The following TENM4 variants were observed in gnomAD, a reference collection of about 807,000 sequenced individuals.
TENM4 encodes teneurin-4.
Under a neutral mutation model 243.3 loss-of-function variants are expected in TENM4, and 82 were observed. The observed-to-expected ratio is 0.34, with a 90% CI of 0.28 to 0.40. TENM4 has a LOEUF of 0.40. Among genes scored for constraint, TENM4 ranks in the 10% least tolerant of loss-of-function variants. The probability of loss-of-function intolerance (pLI) is 1.00; values close to 1 mark genes in which losing one functional copy is unlikely to be tolerated. For missense variants in TENM4, 3,138 were observed against 3,673.3 expected, an observed-to-expected ratio of 0.85 and a Z score of 3.77; for synonymous variants, 1,412 against 1,456.3, an observed-to-expected ratio of 0.97 and a Z score of 0.69.
intron 4 of TENM4, among the ~76,000 whole-genome samples, chr11:79,082,576 TATGTGTGCACCC>T (rs1342322014): frequency 6.6e-6 from 1 of 152,062 alleles, no homozygotes; most frequent in African/African-American, 2.4e-5. Flanking sequence ...AAAATGCACA[TATGTGTGCACCC>T]ATGTGTGCAC....
At chr11:79,079,489 G>A (rs1455894047) in intron 4 of TENM4, among the ~76,000 whole-genome samples, 3 of 152,204 alleles carry the variant, frequency 2.0e-5, no homozygotes, top group Non-Finnish European at 2.9e-5. Flanking sequence ...CCAAAGTCAC[G>A]TAGGAGCCAA....
At chr11:78,772,456 A>C (rs1432236088) in intron 17 of TENM4, among the ~76,000 whole-genome samples, 1 of 152,198 alleles carries the variant, frequency 6.6e-6, no homozygotes, top group African/African-American at 2.4e-5. Flanking sequence ...TGGATGTGAA[A>C]GCACTGTGTC....
At chr11:78,888,709 G>A (rs1209946600) in intron 9 of TENM4, among the ~76,000 whole-genome samples, 2 of 152,164 alleles carry the variant, frequency 1.3e-5, no homozygotes, top group African/African-American at 4.8e-5. Flanking sequence ...TTTTCACAGT[G>A]GGCAGCACTG....
chr11:79,433,613 G>T (rs940107240), intron 1 of TENM4, among the ~76,000 whole-genome samples: 1 of 152,064 alleles, frequency 6.6e-6, no homozygotes, highest in Non-Finnish European at 1.5e-5. Context: ...TTAACCAATT[G>T]CCTCTGATAC....
At chr11:79,187,359 C>T (rs1226006906) in intron 3 of TENM4, among the ~76,000 whole-genome samples, 1 of 152,210 alleles carries the variant, frequency 6.6e-6, no homozygotes, top group Non-Finnish European at 1.5e-5. Context: ...TACTTGCTAA[C>T]ATGGTGTCCA....
intron 27 of TENM4, among the ~76,000 whole-genome samples, chr11:78,705,015 T>C (rs1011670893): frequency 2.0e-4 from 31 of 152,362 alleles, no homozygotes; most frequent in Non-Finnish European, 1.8e-4. Flanking sequence ...CCAGGGCCGC[T>C]GCCGGCCAGT....
chr11:79,139,700 A>T (rs11828647), intron 4 of TENM4, among the ~76,000 whole-genome samples: 61,926 of 68,132 alleles, frequency 0.91, 28,736 homozygotes, highest in Middle Eastern at 0.98. Flanking sequence ...AAATATATAT[A>T]ATATTTATAT....
intron 3 of TENM4, among the ~76,000 whole-genome samples, chr11:79,215,457 C>T (rs761890234): frequency 2.0e-5 from 3 of 152,076 alleles, no homozygotes; most frequent in African/African-American, 7.2e-5. Context: ...CAAGAATGAC[C>T]TTGATTGGCA....
At chr11:79,260,079 A>T (rs1047834052) in intron 2 of TENM4, among the ~76,000 whole-genome samples, 1 of 152,240 alleles carries the variant, frequency 6.6e-6, no homozygotes, top group African/African-American at 2.4e-5. Context: ...TGTAGAATGA[A>T]CAAACATTGT....
intron 3 of TENM4, among the ~76,000 whole-genome samples, chr11:79,192,090 G>GT (rs1341477438): frequency 1.4e-5 from 2 of 145,308 alleles, no homozygotes; most frequent in East Asian, 2.0e-4. Context: ...CGGGAGGGAG[G>GT]TGGGGGGGGG....
intron 2 of TENM4, among the ~76,000 whole-genome samples, chr11:79,278,904 C>T (rs1209273430): frequency 6.6e-6 from 1 of 152,202 alleles, no homozygotes; most frequent in East Asian, 1.9e-4. Flanking sequence ...CAGAAACCAA[C>T]AGAGCCTAAA....
intron 6 of TENM4, among the ~76,000 whole-genome samples, chr11:78,970,808 C>A (rs1306008020): frequency 5.9e-5 from 9 of 152,082 alleles, no homozygotes; most frequent in African/African-American, 2.2e-4. Context: ...AGTCAGATTC[C>A]TCCAACATAG....
rs1288655678 is a variant in TENM4 at position 78,683,354 on chromosome 11, A to C, written c.5260+4700T>G. ...TTGTTTACCTAAGCGAGCCTGGGCTATGGCGGGCGCCCCTCCCCCAGCCTC... is the reference window on the plus strand; with the variant it reads ...TTGTTTACCTAAGCGAGCCTGGGCTCTGGCGGGCGCCCCTCCCCCAGCCTC... On this transcript the variant is annotated intron_variant, in intron 29 of 33. Coordinates refer to ENST00000278550, the MANE Select transcript of TENM4 (RefSeq NM_001098816.3). Among the ~76,000 whole-genome samples, 3 of 74,750 alleles carry C rather than the reference A, an allele frequency of 4.0e-5. No individual in the cohort carries two copies. The East Asian group carries it at 6.2e-4, about 15-fold the overall frequency. The allele number at this position is 74,750 out of a possible 152,430, so 49.0% of individuals were successfully genotyped here.
At chr11:79,394,410 T>G (rs1208973924) in intron 1 of TENM4, among the ~76,000 whole-genome samples, 1 of 152,190 alleles carries the variant, frequency 6.6e-6, no homozygotes, top group African/African-American at 2.4e-5. Flanking sequence ...CTTCTGTCAC[T>G]TCTACACTGT....
chr11:79,084,807 A>G (rs1033003774), intron 4 of TENM4, among the ~76,000 whole-genome samples: 8 of 152,114 alleles, frequency 5.3e-5, no homozygotes, highest in Non-Finnish European at 1.0e-4. Context: ...GCATATACTC[A>G]CCTACACATG....
chr11:78,951,713 G>C lies in TENM4; in HGVS notation c.494-48190C>G, dbSNP rs965668495. Among the ~76,000 whole-genome samples, 4 of 152,070 alleles carry C rather than the reference G, an allele frequency of 2.6e-5. No individual in the cohort carries two copies. The East Asian group carries it at 7.7e-4, about 29-fold the overall frequency. ...TTTTATAAGGACACTGGTTCTATCTGATCAGGGCTCTACCCTTATGACCTT... is the reference window on the plus strand; with the variant it reads ...TTTTATAAGGACACTGGTTCTATCTCATCAGGGCTCTACCCTTATGACCTT... On this transcript the variant is annotated intron_variant, in intron 6 of 33. Transcript: ENST00000278550.
At chr11:78,958,970 A>C (rs1405763972) in intron 6 of TENM4, among the ~76,000 whole-genome samples, 2 of 152,184 alleles carry the variant, frequency 1.3e-5, no homozygotes, top group Non-Finnish European at 2.9e-5. Flanking sequence ...ATACCACAAC[A>C]ACCTTGGAAG....
At chr11:79,041,341 G>C (rs956561980) in intron 6 of TENM4, among the ~76,000 whole-genome samples, 1 of 152,036 alleles carries the variant, frequency 6.6e-6, no homozygotes, top group Non-Finnish European at 1.5e-5. Context: ...TGGGATTATA[G>C]GCATGAGCCA....
At chr11:79,437,473 C>A (rs1479779102) in intron 1 of TENM4, among the ~76,000 whole-genome samples, 6 of 152,106 alleles carry the variant, frequency 3.9e-5, no homozygotes, top group African/African-American at 1.2e-4. Context: ...GGAACTTGGC[C>A]TGGAACGCGG....
Sources: gnomAD v4.1 joint callset for allele counts (sites outside exome capture counted in the v4.1 genomes callset) on GRCh38, gnomAD v4.1.1 for gene constraint, MANE v1.5 for transcripts, NCBI Gene and HGNC (gene_info 2026-07-23, HGNC 2026-07-21) for gene names.